ATXN10: variants seen among roughly 807,000 people sequenced by gnomAD.
ATXN10 encodes the protein ataxin 10.
A neutral mutation model predicts 52.9 loss-of-function variants in ATXN10; 28 were observed. That is an observed-to-expected ratio of 0.53 (90% CI 0.39 to 0.73). The LOEUF (loss-of-function observed/expected upper bound fraction) is 0.73, where lower values mean the gene tolerates loss of function less well. Ranked by LOEUF, ATXN10 falls within the 30% of genes least tolerant of loss-of-function variation. ATXN10 has a pLI of 0.00. For missense variants in ATXN10, 565 were observed against 577.0 expected (o/e 0.98, Z 0.21); for synonymous variants, 226 against 221.5 (o/e 1.02, Z -0.18).
At position 45,816,671 on chromosome 22, in the gene ATXN10, A is replaced by G. The variant is rs927408730; in HGVS notation, c.1237+9649A>G. Among the ~76,000 whole-genome samples the G allele has an allele frequency of 6.6e-6, 1 of 152,192 alleles. No homozygotes were observed. Among genetic ancestry groups the G allele is most frequent in the African/African-American group, 2.4e-5 (1 of 41,446 alleles). ...GTGCTCCAAAGCATATTTTGTCTAT[A>G]GTATCTTAATAGGTAATATACGGGA... On this transcript the variant is annotated intron_variant, in intron 10 of 11. Transcript: ENST00000252934. This position sits in a 1 kb window ranked among gnomAD's most constrained non-coding sequence, Gnocchi z 5.8.
In ATXN10 at chr22:45,843,849, TC is replaced by T; in HGVS notation, c.*179del. The T allele has an allele frequency of 1.5e-6, 1 of 646,156 alleles. No homozygotes were observed. Among genetic ancestry groups the T allele is most frequent in the Non-Finnish European group, 2.7e-6 (1 of 369,226 alleles). 40.0% of individuals were successfully genotyped at this position (646,156 alleles called of 1,614,324 possible). Reference sequence around the variant, plus strand: ...TAAAAGTGAAAGTAACTGAGTGTTCTCTTGTTTCTTTGCATTAATGTAACTG... The same window carrying T: ...TAAAAGTGAAAGTAACTGAGTGTTCTTTGTTTCTTTGCATTAATGTAACTG... On this transcript the variant is annotated 3_prime_UTR_variant, in exon 12 of 12. Coordinates refer to ENST00000252934, the MANE Select transcript of ATXN10 (RefSeq NM_013236.4). The surrounding 1 kb of genome is among the most constrained non-coding windows in gnomAD (Gnocchi z 4.5).
chr22:45,807,872 A>G (rs1278429514), intron 10 of ATXN10, among the ~76,000 whole-genome samples: 13 of 152,198 alleles, frequency 8.5e-5, no homozygotes, highest in Non-Finnish European at 5.9e-5. Flanking sequence ...TGAGGAGCCT[A>G]GCCTAGCATT....
intron 1 of ATXN10, chr22:45,675,474 A>T (rs1922647106): frequency 6.6e-6 from 1 of 152,288 alleles, no homozygotes; most frequent in African/African-American, 2.4e-5. Context: ...CATAAAAAGC[A>T]TCGTAGTTTC....
intron 3 of ATXN10, among the ~76,000 whole-genome samples, chr22:45,697,332 A>C (rs1422593915): frequency 6.6e-6 from 1 of 151,960 alleles, no homozygotes; most frequent in Admixed American, 6.6e-5. Flanking sequence ...ATGGAGTTTC[A>C]CCACATTGGC....
rs1468517925 is a variant in ATXN10 at position 45,705,070 on chromosome 22, A to T, written c.647+2223A>T. Among the ~76,000 whole-genome samples the T allele has an allele frequency of 6.6e-6, 1 of 152,194 alleles. No homozygotes were observed. The highest frequency in any genetic ancestry group is 2.4e-5 in the African/African-American group (1 of 41,438). On this transcript the variant is annotated intron_variant, in intron 5 of 11. Coordinates refer to ENST00000252934, the MANE Select transcript of ATXN10 (RefSeq NM_013236.4). The surrounding 1 kb of genome is among the most constrained non-coding windows in gnomAD (Gnocchi z 5.2). ...TCTATTAATACTTTGTCTAACAGTG[A>T]TTTTTATACTTTAAATCAACTTTGG...
Position 45,762,715 on chromosome 22 carries a change from G to T in ATXN10, c.1173+22177G>T, listed in dbSNP as rs1009383486. 1.3e-5 allele frequency among the ~76,000 whole-genome samples: 2 copies of T among 152,198 alleles called. No homozygotes were observed. Among genetic ancestry groups the T allele is most frequent in the Non-Finnish European group, 2.9e-5 (2 of 68,040 alleles). ...CAGAGGCCACCTCACTCTTACTCCT[G>T]TCTCCAGGCTGGTGACCTCACATGG... On this transcript the variant is annotated intron_variant, in intron 9 of 11. Coordinates refer to ENST00000252934, the MANE Select transcript of ATXN10 (RefSeq NM_013236.4). This position sits in a 1 kb window ranked among gnomAD's most constrained non-coding sequence, Gnocchi z 4.3.
chr22:45,827,582 A>G (rs766688795), intron 10 of ATXN10, among the ~76,000 whole-genome samples: 1 of 152,242 alleles, frequency 6.6e-6, no homozygotes. Flanking sequence ...TAAAGTTTCA[A>G]TACAGTAAGA....
At chr22:45,742,356 C>T (rs1395113627) in intron 9 of ATXN10, among the ~76,000 whole-genome samples, 1 of 152,104 alleles carries the variant, frequency 6.6e-6, no homozygotes, top group Non-Finnish European at 1.5e-5. Flanking sequence ...TGAGAGGACA[C>T]AGATACTGGG....
At chr22:45,839,090 AG>A (rs1206714700) in intron 10 of ATXN10, among the ~76,000 whole-genome samples, 1 of 152,218 alleles carries the variant, frequency 6.6e-6, no homozygotes, top group Non-Finnish European at 1.5e-5. Context: ...AAAATATGTA[AG>A]AGTATTAAAT....
rs1338156797 is a variant in ATXN10, at chr22:45,757,696, T to C, written c.1173+17158T>C. On this transcript the variant is annotated intron_variant, in intron 9 of 11. Coordinates refer to ENST00000252934, the MANE Select transcript of ATXN10 (RefSeq NM_013236.4). This position sits in a 1 kb window ranked among gnomAD's most constrained non-coding sequence, Gnocchi z 4.6. Reference sequence around the variant, plus strand: ...CACATAGGATTCAATACATTTTTCATATGCTGACCTTATAAGTCATATTGT... The same window carrying C: ...CACATAGGATTCAATACATTTTTCACATGCTGACCTTATAAGTCATATTGT... Among the ~76,000 whole-genome samples the C allele has an allele frequency of 6.6e-6, 1 of 152,220 alleles. No homozygotes were observed.
intron 9 of ATXN10, among the ~76,000 whole-genome samples, chr22:45,793,980 C>A (rs2146868853): frequency 6.6e-6 from 1 of 152,354 alleles, no homozygotes; most frequent in East Asian, 1.9e-4. Flanking sequence ...GGTCTGCACT[C>A]ATATTTATAC....
chr22:45,812,741 C>T (rs879266269), intron 10 of ATXN10, among the ~76,000 whole-genome samples: 2 of 152,204 alleles, frequency 1.3e-5, no homozygotes, highest in Non-Finnish European at 2.9e-5. Flanking sequence ...CTTCTCTGAG[C>T]ACTCTGGATA....
rs1168415456 is a variant in ATXN10 at position 45,727,797 on chromosome 22, A to C, written c.729-1628A>C. 6.6e-6 allele frequency among the ~76,000 whole-genome samples: 1 copy of C among 152,148 alleles called. No homozygotes were observed. The highest frequency in any genetic ancestry group is 2.4e-5 in the African/African-American group (1 of 41,434). On this transcript the variant is annotated intron_variant, in intron 6 of 11. Transcript: ENST00000252934. This position sits in a 1 kb window ranked among gnomAD's most constrained non-coding sequence, Gnocchi z 4.6. ...TAGGTGCATATATATTTAGGATTAT[A>C]ATATCTTCCTGTTGGATCGATCCTT...
In ATXN10 at chr22:45,708,243, G is replaced by C. The variant is rs183262891; in HGVS notation, c.647+5396G>C. Among the ~76,000 whole-genome samples, 285 of 152,290 alleles carry C rather than the reference G, an allele frequency of 1.9e-3. No individual in the cohort carries two copies. The highest frequency in any genetic ancestry group is 6.7e-3 in the African/African-American group (278 of 41,548). Reference sequence around the variant, plus strand: ...TAGATGAATCCAGGGATTCTATTTTGAGTTCATCTAAATCTGAAAGTCCAG... The same window carrying C: ...TAGATGAATCCAGGGATTCTATTTTCAGTTCATCTAAATCTGAAAGTCCAG... On this transcript the variant is annotated intron_variant, in intron 5 of 11. Transcript: ENST00000252934. The surrounding 1 kb of genome is among the most constrained non-coding windows in gnomAD (Gnocchi z 5.3).
At chr22:45,768,296 A>T (rs995308849) in intron 9 of ATXN10, among the ~76,000 whole-genome samples, 1 of 152,136 alleles carries the variant, frequency 6.6e-6, no homozygotes, top group Non-Finnish European at 1.5e-5. Context: ...TGTACAAGAA[A>T]GTTGCCAAAG....
At chr22:45,793,803 C>T (rs984357637) in intron 9 of ATXN10, 4 of 1,311,274 alleles carry the variant, frequency 3.1e-6, no homozygotes, top group Non-Finnish European at 3.9e-6. Context: ...TGGGACTTAG[C>T]CTGGGAAGGT....
At chr22:45,707,824 A>G (rs947039819) in intron 5 of ATXN10, among the ~76,000 whole-genome samples, 4 of 152,138 alleles carry the variant, frequency 2.6e-5, no homozygotes, top group African/African-American at 7.2e-5. Context: ...GTAACAAACA[A>G]TGAGATCACA....
Position 45,795,712 on chromosome 22 carries a change from A to G in ATXN10, c.1174-11247A>G, listed in dbSNP as rs760365034. Among the ~76,000 whole-genome samples the G allele has an allele frequency of 1.6e-4, 25 of 152,196 alleles. No individual in the cohort carries two copies. The highest frequency in any genetic ancestry group is 4.6e-4 in the Admixed American group (7 of 15,276). The stretch of plus-strand genomic sequence containing the variant: ...ATTAGTTCCCCAAATTAATACTTTT[A>G]TAATGTCTTACACCTGTCTTTACTG... On this transcript the variant is annotated intron_variant, in intron 9 of 11. Coordinates refer to ENST00000252934, the MANE Select transcript of ATXN10 (RefSeq NM_013236.4). The surrounding 1 kb of genome is among the most constrained non-coding windows in gnomAD (Gnocchi z 4.6).
intron 9 of ATXN10, among the ~76,000 whole-genome samples, chr22:45,748,917 A>AT (rs994102696): frequency 6.6e-6 from 1 of 152,076 alleles, no homozygotes; most frequent in Admixed American, 6.6e-5. Flanking sequence ...CAGCTGTAAA[A>AT]TTTTTTTTAA....
Sources: allele counts gnomAD v4.1 joint callset (sites outside exome capture counted in the v4.1 genomes callset), GRCh38; gene constraint gnomAD v4.1.1; non-coding constraint Gnocchi (gnomAD v3.1); transcripts MANE v1.5; gene names NCBI Gene and HGNC (gene_info 2026-07-23, HGNC 2026-07-21).